The following EML4 variants were observed in gnomAD, a reference collection of about 807,000 sequenced individuals.
The protein encoded by EML4 is EMAP like 4.
In EML4, 72 loss-of-function variants were observed where a neutral mutation model predicts 129.0. The ratio of observed to expected loss-of-function variants is 0.56; its 90% confidence interval spans 0.46 to 0.68. The LOEUF is 0.68. Among genes scored for constraint, EML4 ranks in the 30% least tolerant of loss-of-function variants. The pLI is 0.00. For missense variants in EML4, 1,363 were observed against 1,190.6 expected, an observed-to-expected ratio of 1.14 and a Z score of -2.13; for synonymous variants, 532 against 405.0, an observed-to-expected ratio of 1.31 and a Z score of -3.77.
chr2:42,220,056 A>G (rs1673474405), intron 1 of EML4, among the ~76,000 whole-genome samples: 1 of 152,066 alleles, frequency 6.6e-6, no homozygotes, highest in African/African-American at 2.4e-5. Flanking sequence ...GTTGCTGCAC[A>G]TTATTTTCAC....
At chr2:42,184,457 A>G (rs368668104) in intron 1 of EML4, among the ~76,000 whole-genome samples, 5 of 139,400 alleles carry the variant, frequency 3.6e-5, no homozygotes, top group East Asian at 2.1e-4. Context: ...AAGAACTTTC[A>G]TCTCAAGTTT....
At chr2:42,220,257 T>C (rs1173282879) in intron 1 of EML4, among the ~76,000 whole-genome samples, 85 of 130,892 alleles carry the variant, frequency 6.5e-4, no homozygotes, top group African/African-American at 2.3e-3. Context: ...TTTTTTTTTT[T>C]ACAAATTGAA....
chr2:42,285,602 T>G (rs1347326550), intron 9 of EML4, among the ~76,000 whole-genome samples: 2 of 151,744 alleles, frequency 1.3e-5, no homozygotes, highest in Non-Finnish European at 2.9e-5. Context: ...TTTTTCTTTT[T>G]TTCTTTTTTT....
intron 1 of EML4, among the ~76,000 whole-genome samples, chr2:42,231,946 C>G (rs1674372517): frequency 1.4e-5 from 2 of 144,630 alleles, no homozygotes; most frequent in African/African-American, 5.5e-5. Context: ...GAGACTCCGT[C>G]TCAAAAAAAA....
chr2:42,186,549 A>C (rs1306186989), intron 1 of EML4, among the ~76,000 whole-genome samples: 1 of 152,220 alleles, frequency 6.6e-6, no homozygotes, highest in African/African-American at 2.4e-5. Flanking sequence ...CCTACCTCAC[A>C]TCACTGACAT....
intron 1 of EML4, among the ~76,000 whole-genome samples, chr2:42,189,468 T>C (rs1048019651): frequency 1.3e-5 from 2 of 152,184 alleles, no homozygotes; most frequent in Admixed American, 6.5e-5. Context: ...CAGTCCCTGT[T>C]ACTTGGGAGG....
chr2:42,263,379 A>G, intron 5 of EML4, 73 bp downstream of exon 5: 3 of 497,442 alleles, frequency 6.0e-6, no homozygotes, highest in South Asian at 5.5e-5. Flanking sequence ...ATGTACAGTT[A>G]TGTATGTCTG....
chr2:42,233,180 G>T (rs1183578427), intron 1 of EML4, among the ~76,000 whole-genome samples: 1 of 152,036 alleles, frequency 6.6e-6, no homozygotes, highest in Non-Finnish European at 1.5e-5. Context: ...AGCAGTTTTT[G>T]GTGCATGTGT....
intron 1 of EML4, among the ~76,000 whole-genome samples, chr2:42,220,502 T>A (rs528280468): frequency 5.5e-4 from 83 of 152,272 alleles, no homozygotes; most frequent in Non-Finnish European, 8.4e-4. Context: ...AAATGTTGTG[T>A]GTTCTGACTG....
intron 1 of EML4, among the ~76,000 whole-genome samples, chr2:42,215,913 T>C (rs1457900164): frequency 6.6e-6 from 1 of 152,112 alleles, no homozygotes; most frequent in Non-Finnish European, 1.5e-5. Flanking sequence ...GAGAAACTCA[T>C]TTATCTTTTT....
At chr2:42,238,643 G>T (rs969875839) in intron 1 of EML4, among the ~76,000 whole-genome samples, 15 of 151,860 alleles carry the variant, frequency 9.9e-5, no homozygotes, top group Non-Finnish European at 2.1e-4. Flanking sequence ...TTGGCAATAG[G>T]GTCTTACTCT....
intron 1 of EML4, among the ~76,000 whole-genome samples, chr2:42,189,136 G>A (rs540620939): frequency 6.6e-6 from 1 of 152,106 alleles, no homozygotes; most frequent in Admixed American, 6.5e-5. Context: ...CAAAGTGCTG[G>A]GATTACAGGC....
intron 6 of EML4, 145 bp downstream of exon 6, chr2:42,264,876 C>G (rs1328864761): frequency 2.3e-5 from 36 of 1,544,408 alleles, no homozygotes; most frequent in Non-Finnish European, 2.8e-5. Flanking sequence ...TAGGAAAAAA[C>G]CCAGTTTTTA....
chr2:42,278,262 T>C (rs1403922946), intron 6 of EML4, among the ~76,000 whole-genome samples: 21 of 152,156 alleles, frequency 1.4e-4, no homozygotes, highest in Admixed American at 1.4e-3. Flanking sequence ...TTTTGGTTTT[T>C]TGTTTTCAAA....
rs1670038565 is a variant in EML4 at position 42,330,299 on chromosome 2, T to C, written c.*92T>C. ...AGGATGGGCAGTGATGGAGAATCAC[T>C]GTTGATTGAGATTTTGGTTTCCATG... On this transcript the variant is annotated 3_prime_UTR_variant, in exon 23 of 23. Coordinates refer to ENST00000318522, the MANE Select transcript of EML4 (RefSeq NM_019063.5). The C allele has an allele frequency of 2.6e-6, 3 of 1,172,786 alleles. No homozygotes were observed. Among genetic ancestry groups the C allele is most frequent in the Middle Eastern group, 1.9e-4 (1 of 5,300 alleles). 72.6% of individuals were successfully genotyped at this position (1,172,786 alleles called of 1,614,324 possible).
At chr2:42,312,452 G>A (rs1004726129) in intron 17 of EML4, among the ~76,000 whole-genome samples, 1 of 152,092 alleles carries the variant, frequency 6.6e-6, no homozygotes, top group Non-Finnish European at 1.5e-5. Context: ...TCTCTCTGAA[G>A]CCTACCTAAA....
intron 1 of EML4, among the ~76,000 whole-genome samples, chr2:42,239,193 A>T (rs1471133689): frequency 6.6e-6 from 1 of 152,232 alleles, no homozygotes; most frequent in Non-Finnish European, 1.5e-5. Context: ...GTGTGCCCCC[A>T]CTAAGAAAAC....
At chr2:42,322,510 G>A (rs1035171661) in intron 19 of EML4, among the ~76,000 whole-genome samples, 1 of 152,192 alleles carries the variant, frequency 6.6e-6, no homozygotes. Context: ...ACTGATTCAG[G>A]TGATAATCAT....
At chr2:42,328,752 A>G in intron 21 of EML4, 134 bp from the exon 22 acceptor site, 1 of 676,968 alleles carries the variant, frequency 1.5e-6, no homozygotes, top group Non-Finnish European at 2.2e-6. Flanking sequence ...GAAATTTGTA[A>G]AGGAAATGTT....
Sources: gnomAD v4.1 joint callset for allele counts (sites outside exome capture counted in the v4.1 genomes callset) on GRCh38, gnomAD v4.1.1 for gene constraint, MANE v1.5 for transcripts, NCBI Gene and HGNC (gene_info 2026-07-23, HGNC 2026-07-21) for gene names.